The following FUT9 variants were observed in gnomAD, a reference collection of about 807,000 sequenced individuals.
The protein encoded by FUT9 is fucosyltransferase 9.
FUT9 carries 15 observed loss-of-function variants against 29.7 expected under a neutral mutation model. The ratio of observed to expected loss-of-function variants is 0.51; its 90% CI spans 0.34 to 0.78. The LOEUF (loss-of-function observed/expected upper bound fraction) is 0.78. FUT9 is among the 30% of genes least tolerant of loss of function. The probability of loss-of-function intolerance (pLI) is 0.01; values close to 1 mark genes in which losing one functional copy is unlikely to be tolerated. For missense variants in FUT9, 319 were observed against 425.4 expected (o/e 0.75, Z 2.20); for synonymous variants, 169 against 153.7 (o/e 1.10, Z -0.74).
intron 2 of FUT9, among the ~76,000 whole-genome samples, chr6:96,183,809 G>A (rs1345871816): frequency 6.6e-6 from 1 of 152,014 alleles, no homozygotes; most frequent in African/African-American, 2.4e-5. Context: ...GATTATGGTG[G>A]ATTATCTTTT....
intron 2 of FUT9, among the ~76,000 whole-genome samples, chr6:96,200,736 A>G (rs1773713026): frequency 6.6e-6 from 1 of 152,138 alleles, no homozygotes; most frequent in African/African-American, 2.4e-5. Context: ...CAGTCAGTCA[A>G]ATCATTCATA....
chr6:96,032,215 CGT>C, intron 1 of FUT9, among the ~76,000 whole-genome samples: 2 of 151,492 alleles, frequency 1.3e-5, no homozygotes, highest in Non-Finnish European at 3.0e-5. Context: ...CCGGAGGAGT[CGT>C]ACTTATTTTG....
chr6:96,120,126 C>T (rs1056801152), intron 2 of FUT9, among the ~76,000 whole-genome samples: 1 of 151,906 alleles, frequency 6.6e-6, no homozygotes, highest in African/African-American at 2.4e-5. Flanking sequence ...TCAGAATTCT[C>T]ATTATTTTAT....
At chr6:96,123,646 A>G (rs1772075105) in intron 2 of FUT9, among the ~76,000 whole-genome samples, 2 of 152,168 alleles carry the variant, frequency 1.3e-5, no homozygotes. Flanking sequence ...TAATTCTTCA[A>G]CTTTGTGTAA....
In FUT9 at chr6:96,156,615, C is replaced by T. The variant is rs143055409; in HGVS notation, c.-9+42488C>T. Reference sequence around the variant, plus strand: ...GTGCATGTGGACCCTTAATCTTCTCCGGGCATGTTTAGGCAAGCCTGCTGT... The same window carrying T: ...GTGCATGTGGACCCTTAATCTTCTCTGGGCATGTTTAGGCAAGCCTGCTGT... On this transcript the variant is annotated intron_variant, in intron 2 of 2. Coordinates refer to ENST00000302103, the MANE Select transcript of FUT9 (RefSeq NM_006581.4). Among the ~76,000 whole-genome samples the T allele has an allele frequency of 5.2e-4, 79 of 152,198 alleles. 1 individual carries two copies. Among genetic ancestry groups the T allele is most frequent in the African/African-American group, 1.7e-3 (72 of 41,504 alleles).
chr6:96,186,152 T>A (rs1461194309), intron 2 of FUT9, among the ~76,000 whole-genome samples: 2 of 152,198 alleles, frequency 1.3e-5, no homozygotes, highest in African/African-American at 4.8e-5. Context: ...TTTACTTTTC[T>A]CATAATCTAT....
chr6:96,127,976 T>C (rs1354672730), intron 2 of FUT9, among the ~76,000 whole-genome samples: 1 of 152,140 alleles, frequency 6.6e-6, no homozygotes, highest in East Asian at 1.9e-4. Context: ...ATTCTATAGA[T>C]TTTATGTTTA....
At chr6:96,027,413 T>C (rs1458311485) in intron 1 of FUT9, among the ~76,000 whole-genome samples, 1 of 151,622 alleles carries the variant, frequency 6.6e-6, no homozygotes, top group East Asian at 1.9e-4. Context: ...TGCACAGATG[T>C]TCTTTCTTTA....
At chr6:96,059,797 T>C (rs1374047808) in intron 1 of FUT9, among the ~76,000 whole-genome samples, 3 of 152,224 alleles carry the variant, frequency 2.0e-5, no homozygotes, top group Non-Finnish European at 4.4e-5. Flanking sequence ...AGTGTGAATA[T>C]AAAGCAATGA....
chr6:96,197,684 C>G (rs1562161526), intron 2 of FUT9, among the ~76,000 whole-genome samples: 1 of 152,108 alleles, frequency 6.6e-6, no homozygotes, highest in African/African-American at 2.4e-5. Context: ...ATGTCCTGAT[C>G]CAACAAGTCC....
chr6:96,077,523 C>T (rs896818476), intron 1 of FUT9, among the ~76,000 whole-genome samples: 2 of 151,978 alleles, frequency 1.3e-5, no homozygotes, highest in African/African-American at 4.8e-5. Context: ...CTATCGGCTT[C>T]TTCCCCCTCC....
At chr6:96,045,774 T>C (rs1457099718) in intron 1 of FUT9, among the ~76,000 whole-genome samples, 1 of 152,218 alleles carries the variant, frequency 6.6e-6, no homozygotes, top group Non-Finnish European at 1.5e-5. Context: ...GGGGAAGTTA[T>C]CACCATGCTG....
chr6:96,146,878 CA>C (rs1347691943), intron 2 of FUT9, among the ~76,000 whole-genome samples: 1 of 152,170 alleles, frequency 6.6e-6, no homozygotes, highest in Non-Finnish European at 1.5e-5. Context: ...TGTACAACAC[CA>C]AATTTGGAAC....
chr6:96,154,391 T>C (rs538611291), intron 2 of FUT9, among the ~76,000 whole-genome samples: 2 of 152,220 alleles, frequency 1.3e-5, no homozygotes, highest in South Asian at 2.1e-4. Flanking sequence ...AACAGTAATA[T>C]AAAAGCAAAC....
intron 1 of FUT9, chr6:96,036,782 C>T (rs1376656745): frequency 2.6e-5 from 4 of 151,956 alleles, no homozygotes; most frequent in African/African-American, 7.2e-5. Flanking sequence ...TCCAATCCAT[C>T]TTAATAATCA....
Position 96,213,089 on chromosome 6 carries a change from A to C in FUT9, c.*8854A>C, listed in dbSNP as rs750159639. ...TGCACAAACTGCCATATATTCGTGC[A>C]GATGTTTTCTTCTTTTCTTACTGCG... On this transcript the variant is annotated 3_prime_UTR_variant, in exon 3 of 3. Transcript: ENST00000302103. 4 of 166,918 alleles carry C rather than the reference A, an allele frequency of 2.4e-5. No individual in the cohort carries two copies. The highest frequency in any genetic ancestry group is 5.9e-5 in the Non-Finnish European group (4 of 68,010). The allele number at this position is 166,918 out of a possible 1,614,324, so 10.3% of individuals were successfully genotyped here.
chr6:96,046,050 G>C (rs7741098), intron 1 of FUT9, among the ~76,000 whole-genome samples: 96,546 of 151,386 alleles, frequency 0.64, 31,033 homozygotes, highest in African/African-American at 0.72. Flanking sequence ...TTCTTTCTTT[G>C]TATGTATATA....
At chr6:96,094,687 GCT>G (rs1491115949) in intron 1 of FUT9, among the ~76,000 whole-genome samples, 1 of 152,066 alleles carries the variant, frequency 6.6e-6, no homozygotes, top group East Asian at 1.9e-4. Flanking sequence ...TAAAGAAATA[GCT>G]TTTTTATTGC....
chr6:96,186,439 C>G lies in FUT9; in HGVS notation c.-8-16709C>G, dbSNP rs553053002. On this transcript the variant is annotated intron_variant, in intron 2 of 2. Coordinates refer to ENST00000302103, the MANE Select transcript of FUT9 (RefSeq NM_006581.4). ...GGTAATACTCTCTCTTTGACTCCTG[C>G]AGCCTTCTTCTTAGTATGTTAACGT... 1.6e-3 allele frequency among the ~76,000 whole-genome samples: 251 copies of G among 152,230 alleles called. 1 individual carries two copies. Among genetic ancestry groups the G allele is most frequent in the African/African-American group, 5.6e-3 (233 of 41,538 alleles).
Sources: allele counts gnomAD v4.1 joint callset (sites outside exome capture counted in the v4.1 genomes callset), GRCh38; gene constraint gnomAD v4.1.1; transcripts MANE v1.5; gene names NCBI Gene and HGNC (gene_info 2026-07-23, HGNC 2026-07-21).